Variants in LRP8 observed in about 807,000 individuals in gnomAD.
LRP8 encodes the protein LDL receptor related protein 8.
LRP8 carries 46 observed loss-of-function variants against 111.6 expected under a neutral mutation model. The observed-to-expected ratio is 0.41, with a 90% CI of 0.33 to 0.53. The LOEUF (loss-of-function observed/expected upper bound fraction) is 0.53. Ranked by LOEUF, LRP8 falls within the 20% of genes least tolerant of loss-of-function variation. The pLI is 0.20. For synonymous variants in LRP8, 464 were observed against 511.2 expected, an observed-to-expected ratio of 0.91 and a Z score of 1.24; for missense variants, 959 against 1,297.4, an observed-to-expected ratio of 0.74 and a Z score of 4.01.
In LRP8 at chr1:53,257,221, G is replaced by A. The variant is rs1393784826; in HGVS notation, c.2434+19C>T. 3 of 1,611,686 alleles carry A rather than the reference G, an allele frequency of 1.9e-6. No homozygotes were observed. In the East Asian group the frequency reaches 6.7e-5, roughly 36 times the overall value. The stretch of plus-strand genomic sequence containing the variant: ...GAGCCCTCCCATGTCATGAAAGAAT[G>A]CAGAACTCATTTCCTTACAGTGCTG... On this transcript the variant is annotated intron_variant, in intron 15 of 18. Coordinates refer to ENST00000306052, the MANE Select transcript of LRP8 (RefSeq NM_004631.5).
chr1:53,326,868 C>G lies in LRP8; in HGVS notation c.244+5G>C, dbSNP rs748625381. On this transcript the variant is annotated splice_donor_5th_base_variant and intron_variant, in intron 2 of 18. Transcript: ENST00000306052. Reference sequence around the variant, plus strand: ...CGGGTCTGAGCTCCCTGGCCCGCCACTCACGGCAGTCGTCCTCGTCGCTGT... The same window carrying G: ...CGGGTCTGAGCTCCCTGGCCCGCCAGTCACGGCAGTCGTCCTCGTCGCTGT... 6.2e-7 allele frequency: 1 copy of G among 1,612,204 alleles called. No individual in the cohort carries two copies. The highest frequency in any genetic ancestry group is 8.5e-7 in the Non-Finnish European group (1 of 1,179,348).
rs61769625 is a variant in LRP8 at position 53,250,559 on chromosome 1, G to C, written c.2676+131C>G. On this transcript the variant is annotated intron_variant, in intron 17 of 18. Transcript: ENST00000306052. The surrounding 1 kb of genome is among the most constrained non-coding windows in gnomAD (Gnocchi z 4.6). The stretch of plus-strand genomic sequence containing the variant: ...GGAGGGAGGGAAGGACGGAAGGAAA[G>C]GAGGGAGGGAAGGACGGAAGGAAGG... 8,694 of 731,066 alleles carry C rather than the reference G, an allele frequency of 0.012. 94 individuals are homozygous for C. Among genetic ancestry groups the C allele is most frequent in the South Asian group, 0.036 (1,987 of 55,914 alleles). 45.3% of individuals were successfully genotyped at this position (731,066 alleles called of 1,614,324 possible).
chr1:53,268,214 A>G (rs1314260995), intron 8 of LRP8: 1 of 152,274 alleles, frequency 6.6e-6, no homozygotes. Context: ...AATGACAGTA[A>G]TGACACTTCA....
At position 53,275,742 on chromosome 1, in the gene LRP8, AGGT is replaced by A. The variant is rs760665248; in HGVS notation, c.892_894del (p.Thr298del). On this transcript the variant is annotated inframe_deletion, in exon 6 of 19. Transcript: ENST00000306052. This position sits in a 1 kb window ranked among gnomAD's most constrained non-coding sequence, Gnocchi z 4.4. ...CCACACTGGAACTCGTCCCCACGGC[AGGT>A]GCCCAGTGCTGCCAGGAGAGGGCAA... The A allele has an allele frequency of 3.1e-6, 5 of 1,613,870 alleles. No individual in the cohort carries two copies. The Admixed American group carries it at 8.3e-5, about 27-fold the overall frequency.
At position 53,326,943 on chromosome 1, in the gene LRP8, G is replaced by C; in HGVS notation, c.174C>G (p.Arg58=). ...EKDQFQCRNE[R]CIPSVWRCDE... Reference sequence around the variant, plus strand: ...CGCATCTCCACACAGAGGGGATGCAGCGCTCGTTCCGGCACTGGAATTGGT... The same window carrying C: ...CGCATCTCCACACAGAGGGGATGCACCGCTCGTTCCGGCACTGGAATTGGT... The change falls in exon 2 of 19, where the codon CGC becomes CGG. Residue 58 remains arginine (R), a synonymous_variant. Coordinates refer to ENST00000306052, the MANE Select transcript of LRP8 (RefSeq NM_004631.5). 1 of 1,613,930 alleles carries C rather than the reference G, an allele frequency of 6.2e-7. No homozygotes were observed. Among genetic ancestry groups the C allele is most frequent in the African/African-American group, 1.3e-5 (1 of 75,068 alleles).
At position 53,257,484 on chromosome 1, in the gene LRP8, G is replaced by A. The variant is rs375378691; in HGVS notation, c.2210-20C>T. On this transcript the variant is annotated intron_variant, in intron 14 of 18. Transcript: ENST00000306052. ...GAGGTGCTGGAGGGGAAATACCATG[G>A]AGGTCACTTGGACAGATAATTTTGT... 1.9e-6 allele frequency: 3 copies of A among 1,595,016 alleles called. No individual in the cohort carries two copies. The highest frequency in any genetic ancestry group is 2.6e-6 in the Non-Finnish European group (3 of 1,163,368).
At position 53,280,178 on chromosome 1, in the gene LRP8, C is replaced by T. The variant is rs188961837; in HGVS notation, c.496+409G>A. On this transcript the variant is annotated intron_variant, in intron 4 of 18. Coordinates refer to ENST00000306052, the MANE Select transcript of LRP8 (RefSeq NM_004631.5). ...GGCTCAGACCACCGCCATTTCTCCA[C>T]GCAGCACCCTCCCTGGTCCCCCTGC... Among the ~76,000 whole-genome samples, 149 of 152,264 alleles carry T rather than the reference C, an allele frequency of 9.8e-4. 1 individual carries two copies. Among genetic ancestry groups the T allele is most frequent in the Non-Finnish European group, 1.4e-3 (93 of 68,012 alleles).
intron 2 of LRP8, among the ~76,000 whole-genome samples, chr1:53,296,037 G>C (rs1422212267): frequency 6.6e-6 from 1 of 152,168 alleles, no homozygotes; most frequent in African/African-American, 2.4e-5. Flanking sequence ...ATGGAGCCCA[G>C]AGTGAAGCTG....
In LRP8 at chr1:53,262,472, A is replaced by G; in HGVS notation, c.1748T>C (p.Ile583Thr). Reference sequence around the variant, plus strand: ...CAGGGTGATTCCGTTGGGCCATTCAATATTGTCTGACACCAGTGTTTGCCG... The same window carrying G: ...CAGGGTGATTCCGTTGGGCCATTCAGTATTGTCTGACACCAGTGTTTGCCG... ...VDRQTLVSDN[I>T]EWPNGITLDL... The change falls in exon 11 of 19, where the codon ATT (isoleucine) becomes ACT (threonine). Residue 583 changes from isoleucine (I) to threonine (T), a missense_variant. Physicochemically the swap from Ile to Thr is moderately conservative, Grantham distance 89 (BLOSUM62 -1). Transcript: ENST00000306052. This position sits in a 1 kb window ranked among gnomAD's most constrained non-coding sequence, Gnocchi z 4.8. 1.2e-6 allele frequency: 2 copies of G among 1,614,198 alleles called. No homozygotes were observed. Among genetic ancestry groups the G allele is most frequent in the Non-Finnish European group, 1.7e-6 (2 of 1,180,034 alleles).
Position 53,258,452 on chromosome 1 carries a change from C to T in LRP8, c.2076G>A (p.Leu692=). 2 of 1,614,056 alleles carry T rather than the reference C, an allele frequency of 1.2e-6. No individual in the cohort carries two copies. Among genetic ancestry groups the T allele is most frequent in the Middle Eastern group, 1.7e-4 (1 of 6,036 alleles). The part of the protein sequence containing the change: ...KQPRAPDACE[L]SVQPNGGCEY... ...CACAGCCTCCATTAGGCTGGACACT[C>T]AGCTCACAGGCATCTGGAGCTAATG... Residue 692 remains leucine (L), a synonymous_variant, in exon 14 of 19, where the codon CTG becomes CTA. Transcript: ENST00000306052.
At chr1:53,268,804 A>G (rs1347549159) in intron 8 of LRP8, among the ~76,000 whole-genome samples, 2 of 152,114 alleles carry the variant, frequency 1.3e-5, no homozygotes, top group African/African-American at 4.8e-5. Context: ...CATTCAATTC[A>G]TAAGCAAATC....
At chr1:53,292,554 G>A (rs961465869) in intron 2 of LRP8, among the ~76,000 whole-genome samples, 3 of 152,136 alleles carry the variant, frequency 2.0e-5, no homozygotes, top group African/African-American at 4.8e-5. Context: ...CAGCACCTGG[G>A]GAATTTCCTA....
chr1:53,297,912 C>T (rs2297825), intron 2 of LRP8, among the ~76,000 whole-genome samples: 7 of 152,144 alleles, frequency 4.6e-5, no homozygotes, highest in Admixed American at 2.0e-4. Context: ...TCAGGAGGCC[C>T]GAGGAAAGAC....
chr1:53,277,886 G>C (rs1221399086), intron 4 of LRP8, among the ~76,000 whole-genome samples: 2 of 152,204 alleles, frequency 1.3e-5, no homozygotes, highest in African/African-American at 4.8e-5. Flanking sequence ...TTTGTCCTGA[G>C]GGCCTGGTAC....
intron 1 of LRP8, 47 bp from the exon 2 acceptor site, chr1:53,327,039 C>T: frequency 6.2e-7 from 1 of 1,603,424 alleles, no homozygotes; most frequent in East Asian, 2.2e-5. Context: ...CTCGGCCCCA[C>T]TCCCCACCAT....
intron 3 of LRP8, 24 bp downstream of exon 3, chr1:53,289,543 C>T (rs1171793997): frequency 1.3e-6 from 2 of 1,582,848 alleles, no homozygotes; most frequent in Non-Finnish European, 1.7e-6. Context: ...CCCACCCCCA[C>T]CCAGACTGAG....
At chr1:53,273,438 A>T (rs1646820539) in intron 6 of LRP8, among the ~76,000 whole-genome samples, 1 of 152,232 alleles carries the variant, frequency 6.6e-6, no homozygotes, top group Non-Finnish European at 1.5e-5. Context: ...CTCAGAGAAG[A>T]AGACATGGAT....
intron 14 of LRP8, among the ~76,000 whole-genome samples, chr1:53,257,688 T>C (rs1646154202): frequency 6.6e-6 from 1 of 152,186 alleles, no homozygotes; most frequent in Non-Finnish European, 1.5e-5. Context: ...TGCTGTGGAA[T>C]TAGTTGTAAG....
intron 2 of LRP8, among the ~76,000 whole-genome samples, chr1:53,304,301 G>A (rs563794573): frequency 2.3e-4 from 35 of 152,148 alleles, no homozygotes; most frequent in Admixed American, 1.6e-3. Flanking sequence ...AAAATTCCCC[G>A]TTTCCTGGGA....
Sources: gnomAD v4.1 joint callset for allele counts (sites outside exome capture counted in the v4.1 genomes callset) on GRCh38, gnomAD v4.1.1 for gene constraint, Gnocchi (gnomAD v3.1) non-coding constraint, MANE v1.5 for transcripts, NCBI Gene and HGNC (gene_info 2026-07-23, HGNC 2026-07-21) for gene names.